Variants in GPC5 observed in about 807,000 individuals in gnomAD.
GPC5 encodes glypican-5.
GPC5 carries 47 observed loss-of-function variants against 53.9 expected under a neutral mutation model. That is an observed-to-expected ratio of 0.87 (90% CI 0.69 to 1.11). The LOEUF (loss-of-function observed/expected upper bound fraction) is 1.11, where lower values mean the gene tolerates loss of function less well. Ranked by LOEUF, GPC5 falls within the 50% of genes most tolerant of loss-of-function variation. GPC5 has a pLI of 0.00. For missense variants in GPC5, 748 were observed against 713.1 expected (o/e 1.05, Z -0.56); for synonymous variants, 286 against 263.3 (o/e 1.09, Z -0.84).
intron 6 of GPC5, among the ~76,000 whole-genome samples, chr13:92,077,180 A>C (rs2041258569): frequency 6.6e-6 from 1 of 152,266 alleles, no homozygotes; most frequent in South Asian, 2.1e-4. Flanking sequence ...AAAATGTATA[A>C]AACCAAGCTG....
At chr13:91,537,835 T>C (rs1293302039) in intron 2 of GPC5, among the ~76,000 whole-genome samples, 1 of 152,208 alleles carries the variant, frequency 6.6e-6, no homozygotes, top group South Asian at 2.1e-4. Context: ...GTGGAATTTA[T>C]TGCAGGAATG....
chr13:91,593,357 G>A (rs1943897350), intron 2 of GPC5, among the ~76,000 whole-genome samples: 1 of 152,086 alleles, frequency 6.6e-6, no homozygotes, highest in South Asian at 2.1e-4. Flanking sequence ...CAGTGGGAGT[G>A]GCCCTTCCTG....
chr13:92,272,450 T>C (rs2139156995), intron 7 of GPC5, among the ~76,000 whole-genome samples: 1 of 152,312 alleles, frequency 6.6e-6, no homozygotes, highest in Admixed American at 6.5e-5. Context: ...AATTGATATT[T>C]CTATTTGAAA....
chr13:92,410,265 A>T (rs1198993849), intron 7 of GPC5, among the ~76,000 whole-genome samples: 1 of 152,188 alleles, frequency 6.6e-6, no homozygotes, highest in Non-Finnish European at 1.5e-5. Flanking sequence ...CATGTAAGGG[A>T]ATGCAGTATC....
At chr13:91,668,953 C>T (rs781281050) in intron 2 of GPC5, among the ~76,000 whole-genome samples, 2 of 152,092 alleles carry the variant, frequency 1.3e-5, no homozygotes, top group African/African-American at 2.4e-5. Context: ...AAATAGCACA[C>T]GTTGATTAAC....
chr13:92,616,052 T>C (rs1326222453), intron 7 of GPC5, among the ~76,000 whole-genome samples: 1 of 152,028 alleles, frequency 6.6e-6, no homozygotes. Context: ...AGACTCCGTC[T>C]CAAAAAATCA....
chr13:91,537,232 TA>T (rs1472851724), intron 2 of GPC5, among the ~76,000 whole-genome samples: 1 of 151,424 alleles, frequency 6.6e-6, no homozygotes, highest in Non-Finnish European at 1.5e-5. Context: ...AGAAAAAGAA[TA>T]AAATCAACAA....
At chr13:92,320,050 A>G (rs2043205733) in intron 7 of GPC5, among the ~76,000 whole-genome samples, 1 of 152,158 alleles carries the variant, frequency 6.6e-6, no homozygotes, top group African/African-American at 2.4e-5. Context: ...TCTACTTCAA[A>G]GTAATTAATG....
At chr13:91,454,438 A>C (rs1160280373) in intron 2 of GPC5, among the ~76,000 whole-genome samples, 1 of 152,098 alleles carries the variant, frequency 6.6e-6, no homozygotes, top group Non-Finnish European at 1.5e-5. Context: ...CTCATCTTGC[A>C]AGCACAGTAA....
intron 7 of GPC5, chr13:92,447,800 G>A (rs563754485): frequency 2.0e-5 from 3 of 152,134 alleles, no homozygotes; most frequent in Non-Finnish European, 4.4e-5. Flanking sequence ...GTGAACATAT[G>A]TTTAAGAGTG....
At chr13:92,754,634 G>T (rs1280977231) in intron 7 of GPC5, among the ~76,000 whole-genome samples, 1 of 151,114 alleles carries the variant, frequency 6.6e-6, no homozygotes. Flanking sequence ...GATGGAGGAA[G>T]ATCTACCAAG....
chr13:92,715,584 C>A lies in GPC5; in HGVS notation c.1562-150698C>A, dbSNP rs114834835. On this transcript the variant is annotated intron_variant, in intron 7 of 7. Coordinates refer to ENST00000377067, the MANE Select transcript of GPC5 (RefSeq NM_004466.6). ...CATTCATTATCAGTAATAATGCTAT[C>A]TGGACTTCATGAGGGGCTGGACTTG... Among the ~76,000 whole-genome samples, 776 of 152,272 alleles carry A rather than the reference C, an allele frequency of 5.1e-3. 6 individuals are homozygous for A. The highest frequency in any genetic ancestry group is 0.018 in the African/African-American group (730 of 41,544).
intron 7 of GPC5, among the ~76,000 whole-genome samples, chr13:92,416,319 G>A (rs1876287868): frequency 6.6e-6 from 1 of 152,180 alleles, no homozygotes; most frequent in South Asian, 2.1e-4. Context: ...TAAGGTGTAA[G>A]AAGGGATCTG....
chr13:91,906,034 C>T (rs1164611083), intron 5 of GPC5, among the ~76,000 whole-genome samples: 1 of 151,898 alleles, frequency 6.6e-6, no homozygotes, highest in East Asian at 1.9e-4. Context: ...TATCCCTCAC[C>T]CCCCCTGCCA....
At chr13:91,889,949 A>C (rs531152837) in intron 5 of GPC5, among the ~76,000 whole-genome samples, 1 of 152,202 alleles carries the variant, frequency 6.6e-6, no homozygotes, top group Non-Finnish European at 1.5e-5. Context: ...ACAGAGAGAA[A>C]TTCTCTAATA....
At chr13:92,378,590 A>G (rs902187216) in intron 7 of GPC5, among the ~76,000 whole-genome samples, 3 of 152,216 alleles carry the variant, frequency 2.0e-5, no homozygotes, top group Non-Finnish European at 4.4e-5. Flanking sequence ...ATTCAAAACC[A>G]TGATAGAACT....
At chr13:91,979,281 T>G (rs939082999) in intron 6 of GPC5, among the ~76,000 whole-genome samples, 1 of 152,174 alleles carries the variant, frequency 6.6e-6, no homozygotes, top group African/African-American at 2.4e-5. Context: ...TGTGTTCAGA[T>G]AGGTGTCCCA....
At chr13:92,858,593 G>T (rs950460781) in intron 7 of GPC5, among the ~76,000 whole-genome samples, 3 of 152,126 alleles carry the variant, frequency 2.0e-5, no homozygotes, top group African/African-American at 7.2e-5. Flanking sequence ...TTAGTTAACA[G>T]TGAGAGTTAA....
At chr13:91,873,772 C>T (rs2039173624) in intron 5 of GPC5, among the ~76,000 whole-genome samples, 1 of 152,200 alleles carries the variant, frequency 6.6e-6, no homozygotes, top group Non-Finnish European at 1.5e-5. Context: ...CAACCCCTGC[C>T]TCCCAGGCTC....
Sources: allele counts gnomAD v4.1 joint callset (sites outside exome capture counted in the v4.1 genomes callset), GRCh38; gene constraint gnomAD v4.1.1; transcripts MANE v1.5; gene names NCBI Gene and HGNC (gene_info 2026-07-23, HGNC 2026-07-21).